The following NAV3 variants were observed in gnomAD, a reference collection of about 807,000 sequenced individuals.
The protein encoded by NAV3 is neuron navigator 3, also known as pore membrane and/or filament interacting like protein 1.
NAV3 carries 87 observed loss-of-function variants against 244.7 expected under a neutral mutation model. That is an observed-to-expected ratio of 0.36 (90% CI 0.30 to 0.42). The LOEUF is 0.42. Ranked by LOEUF, NAV3 falls within the 20% of genes least tolerant of loss-of-function variation. The pLI, the probability that NAV3 is intolerant of heterozygous loss-of-function variation, is 1.00. For synonymous variants in NAV3, 1,126 were observed against 1,042.2 expected, an observed-to-expected ratio of 1.08 and a Z score of -1.55; for missense variants, 2,663 against 2,893.3, an observed-to-expected ratio of 0.92 and a Z score of 1.83.
intron 2 of NAV3, among the ~76,000 whole-genome samples, chr12:77,741,148 C>CAAAAAAAAAAAAAAAAAAAGA: frequency 1.5e-5 from 1 of 68,668 alleles, no homozygotes; most frequent in African/African-American, 5.9e-5. Context: ...AAAAAAAAGA[C>CAAAAAAAAAAAAAAAAAAAGA]AAAAAAAAAA....
At chr12:78,032,706 A>T (rs1879201371) in intron 9 of NAV3, among the ~76,000 whole-genome samples, 1 of 152,168 alleles carries the variant, frequency 6.6e-6, no homozygotes, top group African/African-American at 2.4e-5. Flanking sequence ...TCAATATTAC[A>T]GTGCTGGCTG....
At chr12:77,853,925 T>C (rs1877948677) in intron 1 of NAV3, among the ~76,000 whole-genome samples, 1 of 152,232 alleles carries the variant, frequency 6.6e-6, no homozygotes, top group Admixed American at 6.5e-5. Flanking sequence ...ATCCTATGAC[T>C]TCTAAGTCTT....
At chr12:77,696,313 T>C (rs1386355206) in intron 2 of NAV3, among the ~76,000 whole-genome samples, 1 of 152,166 alleles carries the variant, frequency 6.6e-6, no homozygotes, top group Non-Finnish European at 1.5e-5. Context: ...TAGTAGAGTC[T>C]CTTCCTCATT....
At chr12:77,689,514 T>G (rs546522871) in intron 2 of NAV3, among the ~76,000 whole-genome samples, 12 of 151,938 alleles carry the variant, frequency 7.9e-5, no homozygotes, top group Admixed American at 5.9e-4. Context: ...GGAAGGTGTG[T>G]TAAGATCTCT....
chr12:78,040,294 A>C (rs1321805348), intron 9 of NAV3, among the ~76,000 whole-genome samples: 1 of 152,152 alleles, frequency 6.6e-6, no homozygotes, highest in Non-Finnish European at 1.5e-5. Context: ...TGGAAAGAAA[A>C]GGTCCATTTG....
chr12:78,070,189 T>C (rs1008747195), intron 12 of NAV3, among the ~76,000 whole-genome samples: 7 of 152,120 alleles, frequency 4.6e-5, no homozygotes, highest in African/African-American at 1.7e-4. Flanking sequence ...TTTATAATAA[T>C]AGTTCCCTTC....
At chr12:77,858,700 A>G (rs1270443447) in intron 1 of NAV3, among the ~76,000 whole-genome samples, 1 of 152,040 alleles carries the variant, frequency 6.6e-6, no homozygotes, top group Non-Finnish European at 1.5e-5. Context: ...TCACAAATCA[A>G]GTTTGTTCAT....
At chr12:77,630,060 G>C (rs557840131) in intron 2 of NAV3, among the ~76,000 whole-genome samples, 3 of 152,264 alleles carry the variant, frequency 2.0e-5, no homozygotes, top group South Asian at 4.1e-4. Flanking sequence ...TAACTTATGA[G>C]GCTAATGAAA....
chr12:77,706,881 A>C (rs1875836024), intron 2 of NAV3, among the ~76,000 whole-genome samples: 1 of 142,634 alleles, frequency 7.0e-6, no homozygotes, highest in Admixed American at 6.8e-5. Context: ...AAAAAAAAAA[A>C]AAAAAAAAAA....
In NAV3 at chr12:78,177,311, A is replaced by T. The variant is rs1200864528; in HGVS notation, c.5295A>T (p.Ser1765=). 1.9e-6 allele frequency: 3 copies of T among 1,600,122 alleles called. No homozygotes were observed. Among genetic ancestry groups the T allele is most frequent in the Non-Finnish European group, 2.6e-6 (3 of 1,176,308 alleles). Reference sequence around the variant, plus strand: ...CCATGAAGCCCTCACAATCTGCTTCAGCGTAAGTTGCTCCTTCTGCAAAAT... The same window carrying T: ...CCATGAAGCCCTCACAATCTGCTTCTGCGTAAGTTGCTCCTTCTGCAAAAT... ...SASMKPSQSA[S]ASPLVWPPKK... is the part of the protein sequence containing the mutation. Residue 1765 remains serine (S), a splice_region_variant and synonymous_variant, in exon 27 of 40, where the codon TCA becomes TCT. Coordinates refer to ENST00000397909, the MANE Select transcript of NAV3 (RefSeq NM_001024383.2).
intron 34 of NAV3, among the ~76,000 whole-genome samples, chr12:78,193,791 T>C (rs1356462161): frequency 6.6e-6 from 1 of 152,080 alleles, no homozygotes; most frequent in Non-Finnish European, 1.5e-5. Context: ...TCCACTACCC[T>C]CTCAAGATGA....
Position 77,897,110 on chromosome 12 carries a change from CATA to C in NAV3, c.244-43205_244-43203del, listed in dbSNP as rs1884713568. 2.0e-5 allele frequency among the ~76,000 whole-genome samples: 3 copies of C among 152,176 alleles called. No individual in the cohort carries two copies. In the South Asian group the frequency reaches 6.2e-4, roughly 32 times the overall value. ...CAAGCCCACACATGATTTGTAGTCT[CATA>C]ATATATTTGACAAGCACCAGTCTAG... is the stretch of plus-strand genomic sequence containing the variant. On this transcript the variant is annotated intron_variant, in intron 1 of 39. Transcript: ENST00000397909.
chr12:78,185,195 A>G (rs1958660226), intron 30 of NAV3, among the ~76,000 whole-genome samples: 1 of 151,806 alleles, frequency 6.6e-6, no homozygotes, highest in Non-Finnish European at 1.5e-5. Flanking sequence ...GCACCTTTAC[A>G]TTTATAAATT....
intron 2 of NAV3, among the ~76,000 whole-genome samples, chr12:77,667,531 T>C (rs1873770793): frequency 6.6e-6 from 1 of 151,964 alleles, no homozygotes; most frequent in Non-Finnish European, 1.5e-5. Flanking sequence ...GCAGCCATAA[T>C]ACCACTGGGA....
intron 14 of NAV3, among the ~76,000 whole-genome samples, 183 bp from the exon 15 acceptor site, chr12:78,119,054 T>C (rs1211809701): frequency 6.6e-6 from 1 of 152,246 alleles, no homozygotes; most frequent in Non-Finnish European, 1.5e-5. Context: ...ATGTTTCTTC[T>C]GACAGCCAAA....
intron 8 of NAV3, among the ~76,000 whole-genome samples, chr12:78,017,914 T>C (rs999385801): frequency 1.3e-5 from 2 of 152,196 alleles, no homozygotes; most frequent in African/African-American, 2.4e-5. Context: ...AGTTAAAATC[T>C]AATTTTGCCA....
At chr12:77,643,107 A>T (rs1185295738) in intron 2 of NAV3, among the ~76,000 whole-genome samples, 1 of 152,012 alleles carries the variant, frequency 6.6e-6, no homozygotes, top group Non-Finnish European at 1.5e-5. Flanking sequence ...TTTTCTCAAC[A>T]AAAACATATT....
chr12:77,818,104 A>T (rs1872589564), intron 2 of NAV3, among the ~76,000 whole-genome samples: 1 of 152,016 alleles, frequency 6.6e-6, no homozygotes. Context: ...GGAGGAAAGG[A>T]TTTCTTCCTG....
intron 12 of NAV3, among the ~76,000 whole-genome samples, chr12:78,068,594 C>CTTTTATATATATTATATATAATATATAA: frequency 6.8e-6 from 1 of 146,866 alleles, no homozygotes; most frequent in Non-Finnish European, 1.5e-5. Context: ...GTGTTTTGTT[C>CTTTTATATATATTATATATAATATATAA]TTTTATATAT....
Sources: gnomAD v4.1 joint callset for allele counts (sites outside exome capture counted in the v4.1 genomes callset) on GRCh38, gnomAD v4.1.1 for gene constraint, MANE v1.5 for transcripts, NCBI Gene and HGNC (gene_info 2026-07-23, HGNC 2026-07-21) for gene names.